The following MUC6 variants were observed in gnomAD, a reference collection of about 807,000 sequenced individuals.
MUC6 encodes the protein mucin 6, oligomeric mucus/gel-forming (gene/pseudogene).
In MUC6, 188 loss-of-function variants were observed where a neutral mutation model predicts 201.5. That is an observed-to-expected ratio of 0.93 (90% CI 0.83 to 1.05). The LOEUF (loss-of-function observed/expected upper bound fraction) is 1.05, where lower values mean the gene tolerates loss of function less well. MUC6 is among the 50% of genes least tolerant of loss of function. MUC6 has a pLI of 0.00. For missense variants in MUC6, 2,706 were observed against 3,256.9 expected (o/e 0.83, Z 4.12); for synonymous variants, 1,228 against 1,389.4 (o/e 0.88, Z 2.58).
At position 1,025,376 on chromosome 11, in the gene MUC6, T is replaced by C. The variant is rs1392796612; in HGVS notation, c.2800-9A>G. On this transcript the variant is annotated splice_polypyrimidine_tract_variant and intron_variant, in intron 22 of 32. Coordinates refer to ENST00000421673, the MANE Select transcript of MUC6 (RefSeq NM_005961.3). Reference sequence around the variant, plus strand: ...AGCACCACGGACAGGCCCTGTGGGGTGGGGTTGGCATAGGACTGCCTGTCT... The same window carrying C: ...AGCACCACGGACAGGCCCTGTGGGGCGGGGTTGGCATAGGACTGCCTGTCT... 2.5e-6 allele frequency: 4 copies of C among 1,605,688 alleles called. No individual in the cohort carries two copies. The highest frequency in any genetic ancestry group is 3.4e-6 in the Non-Finnish European group (4 of 1,175,518).
rs372309498 is a variant in MUC6 at position 1,030,319 on chromosome 11, C to T, written c.909G>A (p.Pro303=). ...SPGLCSVGQC[P]ANQVYQECGS... ...CGCACTCCTGGTACACCTGGTTGGCCGGGCACTGACCCACGGCTGTGGGCA... is the reference window on the plus strand; with the variant it reads ...CGCACTCCTGGTACACCTGGTTGGCTGGGCACTGACCCACGGCTGTGGGCA... Residue 303 remains proline (P), a synonymous_variant, in exon 8 of 33, where the codon CCG becomes CCA. Coordinates refer to ENST00000421673, the MANE Select transcript of MUC6 (RefSeq NM_005961.3). 5.3e-4 allele frequency: 820 copies of T among 1,548,544 alleles called. 3 individuals are homozygous for T. In the African/African-American group the frequency reaches 8.7e-3, roughly 16 times the overall value.
In MUC6 at chr11:1,025,077, G is replaced by A. The variant is rs781385786; in HGVS notation, c.2992C>T (p.Leu998Phe). 3 of 1,612,828 alleles carry A rather than the reference G, an allele frequency of 1.9e-6. No individual in the cohort carries two copies. Among genetic ancestry groups the A allele is most frequent in the East Asian group, 2.2e-5 (1 of 44,902 alleles). Residue 998 changes from leucine to phenylalanine, a missense_variant, in exon 24 of 33, where the codon CTC becomes TTC. Leu to Phe is a conservative substitution (Grantham distance 22). Transcript: ENST00000421673. ...TTGAAGTTGCCACACAAGCCGCAGA[G>A]GGGATCCTGCAGACGGTGGCATCAG... ...IRIARASQDP[L>F]CGLCGNFNGN...
chr11:1,022,855 GTGAA>G (rs1291793601), intron 26 of MUC6, among the ~76,000 whole-genome samples: 1 of 151,940 alleles, frequency 6.6e-6, no homozygotes, highest in Non-Finnish European at 1.5e-5. Context: ...ATGAATATGT[GTGAA>G]TGAATGTGCA....
In MUC6 at chr11:1,013,200, C is replaced by A; in HGVS notation, c.*256G>T. The A allele has an allele frequency of 1.8e-6, 1 of 541,450 alleles. No individual in the cohort carries two copies. The highest frequency in any genetic ancestry group is 3.2e-6 in the Non-Finnish European group (1 of 308,238). The allele number at this position is 541,450 out of a possible 1,614,324, so 33.5% of individuals were successfully genotyped here. ...GGGGTGGTCGGGAGTGCCCTGTGTG[C>A]CTGGGAGGTCCGTGACCACTGTCCG... On this transcript the variant is annotated 3_prime_UTR_variant, in exon 33 of 33. Coordinates refer to ENST00000421673, the MANE Select transcript of MUC6 (RefSeq NM_005961.3).
intron 31 of MUC6, among the ~76,000 whole-genome samples, chr11:1,014,813 G>A (rs1856564177): frequency 6.6e-6 from 1 of 152,120 alleles, no homozygotes; most frequent in Non-Finnish European, 1.5e-5. Flanking sequence ...TCAGGACTCT[G>A]GGTGCTTCCA....
chr11:1,016,228 T>C lies in MUC6; in HGVS notation c.6573A>G (p.Ser2191=). 6.2e-7 allele frequency: 1 copy of C among 1,613,134 alleles called. No individual in the cohort carries two copies. Among genetic ancestry groups the C allele is most frequent in the East Asian group, 2.2e-5 (1 of 44,868 alleles). ...AAGGAAAAAGAGGAGATGCAGACAC[T>C]GATGCAGTCGTGGGATGAGTGGACA... The part of the protein sequence containing the change: ...SSLSTHPTTA[S]VSASPLFPSS... Residue 2191 remains serine, a synonymous_variant, in exon 31 of 33, where the codon TCA becomes TCG. Coordinates refer to ENST00000421673, the MANE Select transcript of MUC6 (RefSeq NM_005961.3).
Position 1,016,619 on chromosome 11 carries a change from G to A in MUC6, c.6182C>T (p.Ala2061Val). 1 of 1,522,564 alleles carries A rather than the reference G, an allele frequency of 6.6e-7. No homozygotes were observed. Among genetic ancestry groups the A allele is most frequent in the Middle Eastern group, 1.7e-4 (1 of 5,858 alleles). 94.3% of individuals were successfully genotyped at this position (1,522,564 alleles called of 1,614,324 possible). The change falls in exon 31 of 33, where the codon GCC becomes GTC. Residue 2061 changes from alanine (A) to valine (V), a missense_variant. Physicochemically the swap from Ala to Val is moderately conservative, Grantham distance 64. This residue lies in a region of MUC6 where 586 missense variants were observed against 488.0 expected (regional missense o/e 1.20). Coordinates refer to ENST00000421673, the MANE Select transcript of MUC6 (RefSeq NM_005961.3). The part of the protein sequence containing the change: ...TLKATGSTHT[A>V]PPMTVTTSGT... ...ACTGGTGGTCACTGTCATTGGTGGG[G>A]CTGTGTGGGTGGACCCTGTGGCCTT...
chr11:1,036,534 C>T, intron 1 of MUC6, 70 bp downstream of exon 1: 1 of 1,513,994 alleles, frequency 6.6e-7, no homozygotes, highest in South Asian at 1.2e-5. Context: ...GGCGAGAAGG[C>T]CCAGAGACCC....
chr11:1,026,825 C>T, intron 19 of MUC6, 116 bp downstream of exon 19: 1 of 1,140,830 alleles, frequency 8.8e-7, no homozygotes. Flanking sequence ...TCGTGGCCAG[C>T]CCCAGGCACC....
intron 4 of MUC6, 52 bp downstream of exon 4, chr11:1,031,555 T>A (rs894255077): frequency 3.3e-6 from 5 of 1,532,420 alleles, no homozygotes; most frequent in Non-Finnish European, 4.4e-6. Flanking sequence ...AAGTCCCACC[T>A]GCCCCCCCGT....
intron 17 of MUC6, 25 bp downstream of exon 17, chr11:1,027,243 G>A (rs1168622862): frequency 8.1e-6 from 13 of 1,611,848 alleles, no homozygotes; most frequent in Non-Finnish European, 9.3e-6. Context: ...GGGACCCCCC[G>A]CCTGGCCCCT....
Position 1,013,391 on chromosome 11 carries a change from T to TG in MUC6, c.*64dup. 1 of 1,458,536 alleles carries TG rather than the reference T, an allele frequency of 6.9e-7. No individual in the cohort carries two copies. Among genetic ancestry groups the TG allele is most frequent in the Non-Finnish European group, 9.2e-7 (1 of 1,082,922 alleles). 90.3% of individuals were successfully genotyped at this position (1,458,536 alleles called of 1,614,324 possible). The stretch of plus-strand genomic sequence containing the variant: ...CTGCTGGCACAAGCGGGAAGGGGGC[T>TG]GGTGGGTGTTTTCCTGTCTGTCATC... On this transcript the variant is annotated 3_prime_UTR_variant, in exon 33 of 33. Transcript: ENST00000421673.
chr11:1,024,419 C>T (rs1856901190), intron 24 of MUC6, among the ~76,000 whole-genome samples: 1 of 152,228 alleles, frequency 6.6e-6, no homozygotes, highest in Non-Finnish European at 1.5e-5. Flanking sequence ...ATTCAGCGGG[C>T]CAGTGCCATG....
intron 24 of MUC6, 110 bp downstream of exon 24, chr11:1,024,734 G>C: frequency 2.0e-6 from 3 of 1,467,780 alleles, no homozygotes; most frequent in Non-Finnish European, 2.7e-6. Flanking sequence ...GACCTGGCTG[G>C]TCTGGGATCC....
intron 27 of MUC6, 65 bp downstream of exon 27, chr11:1,021,150 G>A (rs937342950): frequency 1.4e-6 from 2 of 1,424,820 alleles, no homozygotes; most frequent in Admixed American, 2.6e-5. Context: ...TTTGTGGGAT[G>A]TGGACGTGCG....
rs755046915 is a variant in MUC6 at position 1,031,954 on chromosome 11, G to A, written c.215C>T (p.Ala72Val). 4.5e-5 allele frequency: 73 copies of A among 1,613,560 alleles called. No homozygotes were observed. Among genetic ancestry groups the A allele is most frequent in the Admixed American group, 2.3e-4 (14 of 60,020 alleles). Residue 72 changes from alanine (A) to valine (V), a missense_variant, in exon 3 of 33, where the codon GCG becomes GTG. Around this residue, in one of 10 missense-constraint regions of MUC6, gnomAD observed 1,850 missense variants for 1,958.3 expected, o/e 0.94. Coordinates refer to ENST00000421673, the MANE Select transcript of MUC6 (RefSeq NM_005961.3). ...DFSGTCNYIF[A>V]ATCKDAFPTF... is the part of the protein sequence containing the mutation. ...GGGGAAGGCGTCCTTGCAGGTGGCC[G>A]CGAAGATGTAGTTGCACGTCCCCGA...
intron 32 of MUC6, 31 bp downstream of exon 32, chr11:1,013,868 C>G (rs372062436): frequency 4.4e-6 from 7 of 1,575,654 alleles, no homozygotes; most frequent in African/African-American, 1.4e-5. Context: ...CCTTGGTGGA[C>G]GTGGGGCAGG....
rs375322233 is a variant in MUC6, at chr11:1,023,512, C to T, written c.3523G>A (p.Glu1175Lys). Residue 1175 changes from glutamate (E) to lysine (K), a missense_variant, in exon 26 of 33, where the codon GAA (glutamate) becomes AAA (lysine). By Grantham distance (56) the Glu-to-Lys change is moderately conservative (BLOSUM62 1). Coordinates refer to ENST00000421673, the MANE Select transcript of MUC6 (RefSeq NM_005961.3). ...QPQSVPGSNIEGCYNCSQDEY... is the reference protein window; with the variant it reads ...QPQSVPGSNIKGCYNCSQDEY... Reference sequence around the variant, plus strand: ...TTGCCTCCCGGTCACCTGGCACCTTCGATGTTGCTGCCTGGGACGCTCTGT... The same window carrying T: ...TTGCCTCCCGGTCACCTGGCACCTTTGATGTTGCTGCCTGGGACGCTCTGT... 1.9e-6 allele frequency: 3 copies of T among 1,578,334 alleles called. No individual in the cohort carries two copies. The highest frequency in any genetic ancestry group is 2.6e-6 in the Non-Finnish European group (3 of 1,161,838).
Position 1,027,257 on chromosome 11 carries a change from C to A in MUC6, c.2231+11G>T, listed in dbSNP as rs367690626. ...AGGGACCCCCCGCCTGGCCCCTGCC[C>A]GGTCCCTCACCAGGTGATGCCGTTG... On this transcript the variant is annotated intron_variant, in intron 17 of 32. Coordinates refer to ENST00000421673, the MANE Select transcript of MUC6 (RefSeq NM_005961.3). 1.2e-6 allele frequency: 2 copies of A among 1,611,944 alleles called. No homozygotes were observed. The highest frequency in any genetic ancestry group is 2.2e-5 in the East Asian group (1 of 44,890).
Sources: allele counts gnomAD v4.1 joint callset (sites outside exome capture counted in the v4.1 genomes callset), GRCh38; gene constraint gnomAD v4.1.1; regional missense constraint gnomAD v4.1.1; transcripts MANE v1.5; gene names NCBI Gene and HGNC (gene_info 2026-07-23, HGNC 2026-07-21).